The following GLYATL2 variants were observed in gnomAD, a reference collection of about 807,000 sequenced individuals.
GLYATL2 encodes glycine-N-acyltransferase like 2.
GLYATL2 carries 25 observed loss-of-function variants against 21.4 expected under a neutral mutation model. The ratio of observed to expected loss-of-function variants is 1.17; its 90% confidence interval spans 0.85 to 1.63. The LOEUF (loss-of-function observed/expected upper bound fraction) is 1.63, where lower values mean the gene tolerates loss of function less well. Ranked by LOEUF, GLYATL2 falls within the 40% of genes most tolerant of loss-of-function variation. The pLI is 0.00. For missense variants in GLYATL2, 361 were observed against 343.3 expected, an observed-to-expected ratio of 1.05 and a Z score of -0.41; for synonymous variants, 114 against 118.2, an observed-to-expected ratio of 0.96 and a Z score of 0.23.
chr11:58,875,546 T>G (rs1420935245), intron 1 of GLYATL2, among the ~76,000 whole-genome samples: 1 of 152,232 alleles, frequency 6.6e-6, no homozygotes, highest in East Asian at 1.9e-4. Flanking sequence ...CCTTCACTTA[T>G]GAAGCTTAGT....
chr11:58,907,370 C>A (rs780259146), upstream of GLYATL2: 14 of 456,300 alleles, frequency 3.1e-5, no homozygotes, highest in South Asian at 2.2e-4. Context: ...GAATCCCTCA[C>A]GGTAGTCTGC....
At chr11:58,885,484 G>A (rs1012462738) in intron 1 of GLYATL2, 1 of 510,362 alleles carries the variant, frequency 2.0e-6, no homozygotes, top group South Asian at 1.4e-5. Context: ...TCAACATGGA[G>A]GTGCTGGTGG....
chr11:58,846,408 A>G (rs1176863371), upstream of GLYATL2, among the ~76,000 whole-genome samples: 2 of 152,152 alleles, frequency 1.3e-5, no homozygotes, highest in Admixed American at 6.6e-5. Flanking sequence ...TTTTGACTTC[A>G]TATCCCTGAA....
chr11:58,866,861 C>T (rs1314924264), intron 1 of GLYATL2, among the ~76,000 whole-genome samples: 1 of 149,330 alleles, frequency 6.7e-6, no homozygotes, highest in African/African-American at 2.4e-5. Context: ...TCCAAAAGAT[C>T]TTGCAAAGGC....
chr11:58,846,744 G>A (rs116351517), upstream of GLYATL2, among the ~76,000 whole-genome samples: 113 of 152,194 alleles, frequency 7.4e-4, no homozygotes, highest in African/African-American at 2.6e-3. Flanking sequence ...CCAAGTAAAC[G>A]TGAAAGGCAG....
chr11:58,893,133 C>A (rs1854574116), intron 1 of GLYATL2: 1 of 403,378 alleles, frequency 2.5e-6, no homozygotes, highest in Admixed American at 3.4e-5. Flanking sequence ...ATGAGAGGAG[C>A]CTTCCTTACA....
chr11:58,903,071 T>A (rs1854766732), intron 1 of GLYATL2, among the ~76,000 whole-genome samples: 1 of 152,314 alleles, frequency 6.6e-6, no homozygotes, highest in Admixed American at 6.5e-5. Context: ...AGATTGGTAC[T>A]AAAAATGACG....
chr11:58,873,386 A>G (rs1439801071), intron 1 of GLYATL2, among the ~76,000 whole-genome samples: 2 of 152,160 alleles, frequency 1.3e-5, no homozygotes, highest in East Asian at 1.9e-4. Context: ...GAATGCTTCC[A>G]GTTTTTGTCC....
intron 1 of GLYATL2, among the ~76,000 whole-genome samples, chr11:58,850,244 G>A (rs571992419): frequency 5.3e-5 from 8 of 152,062 alleles, no homozygotes; most frequent in African/African-American, 1.9e-4. Context: ...CTTTTAACCT[G>A]TTGAGGCATG....
intron 1 of GLYATL2, among the ~76,000 whole-genome samples, chr11:58,840,249 A>G (rs892134750): frequency 2.0e-5 from 3 of 152,204 alleles, no homozygotes; most frequent in Non-Finnish European, 4.4e-5. Flanking sequence ...ATATGTTAGC[A>G]ACCTTAAAAA....
chr11:58,899,318 C>G (rs756896040), intron 1 of GLYATL2, among the ~76,000 whole-genome samples: 1 of 152,148 alleles, frequency 6.6e-6, no homozygotes. Context: ...CACTCCCAAC[C>G]GTTTCTCAGT....
chr11:58,851,385 C>T (rs1031519668), intron 1 of GLYATL2, among the ~76,000 whole-genome samples: 7 of 152,120 alleles, frequency 4.6e-5, no homozygotes, highest in African/African-American at 1.7e-4. Flanking sequence ...TATGGTGTAT[C>T]GCACTGGTTG....
chr11:58,865,092 C>A (rs668254), intron 1 of GLYATL2, among the ~76,000 whole-genome samples: 2 of 147,616 alleles, frequency 1.4e-5, no homozygotes. Context: ...TCAAGGTTTA[C>A]ACATGAAACA....
At chr11:58,863,607 C>A (rs775805203) in intron 1 of GLYATL2, among the ~76,000 whole-genome samples, 1 of 152,114 alleles carries the variant, frequency 6.6e-6, no homozygotes, top group Non-Finnish European at 1.5e-5. Flanking sequence ...TGGGGTGGGG[C>A]CAGTCTAGAG....
At chr11:58,909,230 G>A in the GLYATL2 span, among the ~76,000 whole-genome samples, 1 of 152,178 alleles carries the variant, frequency 6.6e-6, no homozygotes, top group East Asian at 1.9e-4. Context: ...GTGGTTGTCA[G>A]GGGCTGGGAA....
At chr11:58,904,515 T>C (rs576766319), upstream of GLYATL2, among the ~76,000 whole-genome samples, 4 of 152,334 alleles carry the variant, frequency 2.6e-5, no homozygotes, top group South Asian at 8.3e-4. Flanking sequence ...AACAGCTTTT[T>C]TCCTCCAGAT....
chr11:58,894,476 C>CCAAAAAAAAAAAAAA lies in GLYATL2; in HGVS notation n.60+9679_60+9680insTTTTTTTTTTTTTTG, dbSNP rs5792135. Among the ~76,000 whole-genome samples, 6 of 116,548 alleles carry CCAAAAAAAAAAAAAA rather than the reference C, an allele frequency of 5.1e-5. 2 individuals are homozygous for CCAAAAAAAAAAAAAA. Among genetic ancestry groups the CCAAAAAAAAAAAAAA allele is most frequent in the Non-Finnish European group, 3.5e-5 (2 of 57,930 alleles). 76.5% of individuals were successfully genotyped at this position (116,548 alleles called of 152,430 possible). A position where few individuals can be genotyped will look rare whatever the true frequency, so the allele number is the denominator to read the frequency against. ...ATTACTGTGAACATTGCAGCTATAG[C>CCAAAAAAAAAAAAAA]AAAAAAAAAAAAAAAAAGCATTTTC... On this transcript the variant is annotated intron_variant and non_coding_transcript_variant, in intron 1 of 4. Transcript: ENST00000533636.
intron 1 of GLYATL2, among the ~76,000 whole-genome samples, chr11:58,852,568 G>C (rs1853760379): frequency 1.3e-5 from 2 of 152,186 alleles, no homozygotes; most frequent in Admixed American, 1.3e-4. Flanking sequence ...AGGAAATTGA[G>C]ATAGAGATAG....
chr11:58,843,070 TA>T (rs1273912345), intron 1 of GLYATL2, among the ~76,000 whole-genome samples: 7 of 152,186 alleles, frequency 4.6e-5, no homozygotes, highest in African/African-American at 1.7e-4. Flanking sequence ...ATGGTAAAAT[TA>T]ATTTTGTTAT....
Sources: allele counts gnomAD v4.1 joint callset (sites outside exome capture counted in the v4.1 genomes callset), GRCh38; gene constraint gnomAD v4.1.1; transcripts MANE v1.5; gene names NCBI Gene and HGNC (gene_info 2026-07-23, HGNC 2026-07-21).